KLHL10: variants seen among roughly 807,000 people sequenced by gnomAD.
KLHL10 encodes the protein kelch like family member 10.
A neutral mutation model predicts 46.6 loss-of-function variants in KLHL10; 11 were observed. The ratio of observed to expected loss-of-function variants is 0.24; its 90% confidence interval spans 0.15 to 0.39. KLHL10 has a LOEUF of 0.39. Ranked by LOEUF, KLHL10 falls within the 10% of genes least tolerant of loss-of-function variation. The pLI is 1.00. For missense variants in KLHL10, 475 were observed against 789.8 expected (o/e 0.60, Z 4.78); for synonymous variants, 254 against 279.1 (o/e 0.91, Z 0.90).
intron 3 of KLHL10, among the ~76,000 whole-genome samples, chr17:41,846,509 C>T (rs1487684297): frequency 3.3e-5 from 5 of 151,686 alleles, no homozygotes; most frequent in Non-Finnish European, 5.9e-5. Context: ...TGCACTCCAG[C>T]CTGATGACAG....
rs1186146298 is a variant in KLHL10, at chr17:41,841,924, C to T, written c.296C>T (p.Thr99Ile). 2 of 1,614,070 alleles carry T rather than the reference C, an allele frequency of 1.2e-6. No individual in the cohort carries two copies. The highest frequency in any genetic ancestry group is 1.7e-6 in the Non-Finnish European group (2 of 1,180,052). The change falls in exon 2 of 5, where the codon ACC (threonine) becomes ATC (isoleucine). Residue 99 changes from threonine (T) to isoleucine (I), a missense_variant. Thr to Ile is a moderately conservative substitution (Grantham distance 89). Coordinates refer to ENST00000293303, the MANE Select transcript of KLHL10 (RefSeq NM_152467.5). ...MMKLIIEYAY[T>I]RTVPITPDNV... ...AAGCTAATCATTGAGTATGCATACA[C>T]CCGGACCGTGCCTATCACACCGGAC...
upstream of KLHL10, chr17:41,836,213 G>A: frequency 8.1e-7 from 1 of 1,240,606 alleles, no homozygotes; most frequent in Non-Finnish European, 1.0e-6. Context: ...GGCCTGGTCG[G>A]CGGCTCGCGG....
Position 41,840,506 on chromosome 17 carries a change from A to G in KLHL10, c.195-1317A>G, listed in dbSNP as rs1222988126. ...CGGGCATAAATACAAAAAGCCGGGC[A>G]TGGTGGTGGGCACCTATAATCCCAG... On this transcript the variant is annotated intron_variant, in intron 1 of 4. Coordinates refer to ENST00000293303, the MANE Select transcript of KLHL10 (RefSeq NM_152467.5). Among the ~76,000 whole-genome samples, 6 of 152,060 alleles carry G rather than the reference A, an allele frequency of 3.9e-5. No homozygotes were observed. In the East Asian group the frequency reaches 1.2e-3, roughly 30 times the overall value.
rs2048231379 is a variant in KLHL10, at chr17:41,841,952, T to C, written c.324T>C (p.Asn108=). ...GGACCGTGCCTATCACACCGGACAATGTGGAGAAACTGCTTGCTGCTGCAG... is the reference window on the plus strand; with the variant it reads ...GGACCGTGCCTATCACACCGGACAACGTGGAGAAACTGCTTGCTGCTGCAG... ...YTRTVPITPD[N]VEKLLAAADQ... The change falls in exon 2 of 5, where the codon AAT becomes AAC. Residue 108 remains asparagine, a synonymous_variant. Transcript: ENST00000293303. The C allele has an allele frequency of 1.2e-6, 2 of 1,614,022 alleles. No individual in the cohort carries two copies. Among genetic ancestry groups the C allele is most frequent in the Non-Finnish European group, 1.7e-6 (2 of 1,180,044 alleles).
Position 41,848,175 on chromosome 17 carries a change from T to C in KLHL10, c.1695T>C (p.Ser565=), listed in dbSNP as rs1555621693. 2 of 1,614,170 alleles carry C rather than the reference T, an allele frequency of 1.2e-6. No homozygotes were observed. Among genetic ancestry groups the C allele is most frequent in the Non-Finnish European group, 1.7e-6 (2 of 1,180,048 alleles). The change falls in exon 5 of 5, where the codon AGT becomes AGC. Residue 565 remains serine, a synonymous_variant. Coordinates refer to ENST00000293303, the MANE Select transcript of KLHL10 (RefSeq NM_152467.5). ...CTCATGACATGAGTATATACCGCAG[T>C]GCTCTGAGCTGCTGTGTAGTACCAG... is the stretch of plus-strand genomic sequence containing the variant. ...YDAHDMSIYR[S]ALSCCVVPGL...
rs375880722 is a variant in KLHL10, at chr17:41,841,907, C to T, written c.279C>T (p.Ile93=). 48 of 1,614,072 alleles carry T rather than the reference C, an allele frequency of 3.0e-5. No homozygotes were observed. Among genetic ancestry groups the T allele is most frequent in the Non-Finnish European group, 4.0e-5 (47 of 1,180,040 alleles). The part of the protein sequence containing the change: ...PGISPDMMKL[I]IEYAYTRTVP... ...TTTCTCCCGACATGATGAAGCTAATCATTGAGTATGCATACACCCGGACCG... is the reference window on the plus strand; with the variant it reads ...TTTCTCCCGACATGATGAAGCTAATTATTGAGTATGCATACACCCGGACCG... The change falls in exon 2 of 5, where the codon ATC becomes ATT. Residue 93 remains isoleucine (I), a synonymous_variant. Transcript: ENST00000293303.
chr17:41,836,533 A>T, upstream of KLHL10: 1 of 887,818 alleles, frequency 1.1e-6, no homozygotes, highest in Non-Finnish European at 1.3e-6. Flanking sequence ...TGACAAAAAC[A>T]TGACTGGGGC....
upstream of KLHL10, chr17:41,836,452 A>G: frequency 1.0e-6 from 1 of 985,144 alleles, no homozygotes; most frequent in Non-Finnish European, 1.2e-6. Flanking sequence ...TTACGTGGGT[A>G]GGTAGGGTTC....
At chr17:41,846,882 A>G (rs782649092) in intron 3 of KLHL10, among the ~76,000 whole-genome samples, 11 of 152,164 alleles carry the variant, frequency 7.2e-5, no homozygotes, top group Non-Finnish European at 1.3e-4. Context: ...TGGGAGGCTG[A>G]GAGGGGCGGA....
chr17:41,842,423 C>G lies in KLHL10; in HGVS notation c.684+111C>G, dbSNP rs567333835. On this transcript the variant is annotated intron_variant, in intron 2 of 4. Coordinates refer to ENST00000293303, the MANE Select transcript of KLHL10 (RefSeq NM_152467.5). ...TTACATGTCCTTAGATAGAAGGCAT[C>G]TACTATTCTCTGGAATTTTGCAACT... is the stretch of plus-strand genomic sequence containing the variant. 16 of 1,313,070 alleles carry G rather than the reference C, an allele frequency of 1.2e-5. No homozygotes were observed. In the South Asian group the frequency reaches 1.7e-4, roughly 14 times the overall value. The allele number at this position is 1,313,070 out of a possible 1,614,324, so 81.3% of individuals were successfully genotyped here.
At chr17:41,838,235 C>A in intron 1 of KLHL10, 109 bp downstream of exon 1, 2 of 991,908 alleles carry the variant, frequency 2.0e-6, no homozygotes, top group Non-Finnish European at 3.2e-6. Flanking sequence ...GGGACACTGT[C>A]AAAGCTCTGG....
intron 1 of KLHL10, among the ~76,000 whole-genome samples, chr17:41,839,212 G>A (rs928035916): frequency 2.0e-5 from 3 of 152,038 alleles, no homozygotes; most frequent in African/African-American, 7.2e-5. Flanking sequence ...GTCTGGTCTC[G>A]AACACCTGAC....
chr17:41,847,654 C>T (rs571381928), intron 4 of KLHL10, among the ~76,000 whole-genome samples: 3 of 152,224 alleles, frequency 2.0e-5, no homozygotes, highest in South Asian at 2.1e-4. Context: ...TACCGGCACC[C>T]GCCACCATGC....
At chr17:41,847,084 G>A (rs9906224) in intron 3 of KLHL10, among the ~76,000 whole-genome samples, 177 bp from the exon 4 acceptor site, 2 of 152,074 alleles carry the variant, frequency 1.3e-5, no homozygotes, top group African/African-American at 2.4e-5. Context: ...CTCCAGCCTG[G>A]GTGACAGAGC....
At chr17:41,847,736 A>C (rs969444662) in intron 4 of KLHL10, among the ~76,000 whole-genome samples, 197 bp from the exon 5 acceptor site, 1 of 152,094 alleles carries the variant, frequency 6.6e-6, no homozygotes, top group Non-Finnish European at 1.5e-5. Context: ...CGATCTCCTG[A>C]CTTTGTGATC....
chr17:41,845,798 T>C, intron 3 of KLHL10, 55 bp downstream of exon 3: 1 of 1,608,366 alleles, frequency 6.2e-7, no homozygotes, highest in African/African-American at 1.3e-5. Flanking sequence ...AGACCAGAAA[T>C]GATACTGCTC....
chr17:41,847,811 CT>C (rs2048305634), intron 4 of KLHL10, 121 bp from the exon 5 acceptor site: 4 of 1,410,280 alleles, frequency 2.8e-6, no homozygotes, highest in South Asian at 1.2e-5. Flanking sequence ...GGCTGAAAAG[CT>C]TTTTTTCATG....
At chr17:41,845,902 T>C (rs2048279486) in intron 3 of KLHL10, 159 bp downstream of exon 3, 1 of 953,726 alleles carries the variant, frequency 1.0e-6, no homozygotes, top group Non-Finnish European at 1.6e-6. Flanking sequence ...CAACTGTCTT[T>C]TATGTTGTTT....
rs1555620379 is a variant in KLHL10 at position 41,838,141 on chromosome 17, C to A, written c.194+15C>A. ...TCCTACTTTAGGTATAACAGGGTTG[C>A]CAAATTCAGCCAAAGGGGTAATTGG... On this transcript the variant is annotated intron_variant, in intron 1 of 4. Transcript: ENST00000293303. The A allele has an allele frequency of 6.2e-7, 1 of 1,603,954 alleles. No homozygotes were observed.
Sources: allele counts gnomAD v4.1 joint callset (sites outside exome capture counted in the v4.1 genomes callset), GRCh38; gene constraint gnomAD v4.1.1; transcripts MANE v1.5; gene names NCBI Gene and HGNC (gene_info 2026-07-23, HGNC 2026-07-21).